The following TECPR1 variants were observed in gnomAD, a reference collection of about 807,000 sequenced individuals.
TECPR1 encodes the protein tectonin beta-propeller repeat containing 1.
TECPR1 carries 122 observed loss-of-function variants against 162.4 expected under a neutral mutation model. The ratio of observed to expected loss-of-function variants is 0.75; its 90% CI spans 0.65 to 0.87. The LOEUF (loss-of-function observed/expected upper bound fraction) is 0.87. Ranked by LOEUF, TECPR1 falls within the 40% of genes least tolerant of loss-of-function variation. TECPR1 has a pLI of 0.00. For synonymous variants in TECPR1, 642 were observed against 670.6 expected (o/e 0.96, Z 0.66); for missense variants, 1,432 against 1,618.2 (o/e 0.88, Z 1.97).
chr7:98,224,875 G>A lies in TECPR1; in HGVS notation c.2616C>T (p.Ser872=), dbSNP rs752059682. Residue 872 remains serine, a synonymous_variant, in exon 19 of 26, where the codon TCC becomes TCT. Transcript: ENST00000447648. ...GAACGCTGAAATCCACGAACCAGTCGGAAACCTGGGAGGAGTGGGTCAGTG... is the reference window on the plus strand; with the variant it reads ...GAACGCTGAAATCCACGAACCAGTCAGAAACCTGGGAGGAGTGGGTCAGTG... ...KPPSLQWAWV[S]DWFVDFSVPG... 17 of 1,561,140 alleles carry A rather than the reference G, an allele frequency of 1.1e-5. No individual in the cohort carries two copies. Among genetic ancestry groups the A allele is most frequent in the South Asian group, 7.1e-5 (6 of 84,648 alleles).
chr7:98,224,803 A>G lies in TECPR1; in HGVS notation c.2688T>C (p.Pro896=). 1 of 1,581,072 alleles carries G rather than the reference A, an allele frequency of 6.3e-7. No homozygotes were observed. The highest frequency in any genetic ancestry group is 8.6e-7 in the Non-Finnish European group (1 of 1,164,390). ...QEGWQYASDF[P]ASYHGSKTMK... is the part of the protein sequence containing the mutation. ...GCCCTGTGCAGGGAGAGGCTTACGCAGGGAAGTCGCTGGCATACTGCCACC... is the reference window on the plus strand; with the variant it reads ...GCCCTGTGCAGGGAGAGGCTTACGCGGGGAAGTCGCTGGCATACTGCCACC... Residue 896 remains proline (P), a splice_region_variant and synonymous_variant, in exon 19 of 26, where the codon CCT becomes CCC. Coordinates refer to ENST00000447648, the MANE Select transcript of TECPR1 (RefSeq NM_015395.3).
chr7:98,218,131 T>C lies in TECPR1; in HGVS notation c.3158-89A>G, dbSNP rs984039741. 7.5e-6 allele frequency: 8 copies of C among 1,070,066 alleles called. No individual in the cohort carries two copies. In the Admixed American group the frequency reaches 1.1e-4, roughly 15 times the overall value. 66.3% of individuals were successfully genotyped at this position (1,070,066 alleles called of 1,614,324 possible). A position where few individuals can be genotyped will look rare whatever the true frequency, so the allele number is the denominator to read the frequency against. Reference sequence around the variant, plus strand: ...CCGGCAGCCGGTGGCCAGGCCCCGCTCTAACCACTTCGGGGTTTGGGAAGC... The same window carrying C: ...CCGGCAGCCGGTGGCCAGGCCCCGCCCTAACCACTTCGGGGTTTGGGAAGC... On this transcript the variant is annotated intron_variant, in intron 23 of 25. Coordinates refer to ENST00000447648, the MANE Select transcript of TECPR1 (RefSeq NM_015395.3).
At position 98,244,867 on chromosome 7, in the gene TECPR1, G is replaced by T. The variant is rs1361517801; in HGVS notation, c.408+18C>A. On this transcript the variant is annotated intron_variant, in intron 4 of 25. Transcript: ENST00000447648. Reference sequence around the variant, plus strand: ...CCCTCCCCACAGGGCAGTCATGGAGGGTCCCAAGTTCACCTACCCCTTTCT... The same window carrying T: ...CCCTCCCCACAGGGCAGTCATGGAGTGTCCCAAGTTCACCTACCCCTTTCT... 1 of 1,612,622 alleles carries T rather than the reference G, an allele frequency of 6.2e-7. No individual in the cohort carries two copies. Among genetic ancestry groups the T allele is most frequent in the Admixed American group, 1.7e-5 (1 of 59,974 alleles).
chr7:98,247,906 T>TG (rs1293647713), intron 2 of TECPR1, among the ~76,000 whole-genome samples: 1 of 151,984 alleles, frequency 6.6e-6, no homozygotes, highest in African/African-American at 2.4e-5. Context: ...AAATTTTTTT[T>TG]GTAGAGATGG....
Position 98,217,799 on chromosome 7 carries a change from C to T in TECPR1, c.3277G>A (p.Ala1093Thr), listed in dbSNP as rs1195333329. The change falls in exon 25 of 26, where the codon GCC becomes ACC. Residue 1093 changes from alanine to threonine, a missense_variant. Coordinates refer to ENST00000447648, the MANE Select transcript of TECPR1 (RefSeq NM_015395.3). ...VGPLDQVWVI[A>T]NKVQGSHSLS... ...CTGTGGCTGCCCTGCACTTTGTTGG[C>T]GATCACCCAGACCTGGAGCACAGAC... is the stretch of plus-strand genomic sequence containing the variant. 1.0e-5 allele frequency: 16 copies of T among 1,550,514 alleles called. No homozygotes were observed. Among genetic ancestry groups the T allele is most frequent in the Middle Eastern group, 3.3e-4 (2 of 6,012 alleles).
At chr7:98,222,304 C>T in intron 22 of TECPR1, 82 bp downstream of exon 22, 4 of 1,506,254 alleles carry the variant, frequency 2.7e-6, no homozygotes, top group Non-Finnish European at 3.6e-6. Context: ...TCTGGGGGAC[C>T]CTGGCCCAGA....
chr7:98,217,360 C>T lies in TECPR1; in HGVS notation c.*30G>A, dbSNP rs762397401. 49 of 1,371,918 alleles carry T rather than the reference C, an allele frequency of 3.6e-5. No homozygotes were observed. The highest frequency in any genetic ancestry group is 3.7e-4 in the Middle Eastern group (2 of 5,432). 85.0% of individuals were successfully genotyped at this position (1,371,918 alleles called of 1,614,324 possible). ...AGCCTTGATCCCCCAAACTGGGCAC[C>T]GTCCCTGCATGTAGGTGTGTGGGGG... On this transcript the variant is annotated 3_prime_UTR_variant, in exon 26 of 26. Coordinates refer to ENST00000447648, the MANE Select transcript of TECPR1 (RefSeq NM_015395.3).
At chr7:98,223,555 G>T in intron 20 of TECPR1, 107 bp downstream of exon 20, 1 of 1,204,416 alleles carries the variant, frequency 8.3e-7, no homozygotes. Flanking sequence ...TTGGGACTGA[G>T]GTCAGAGGCC....
chr7:98,218,307 C>A (rs56153131), intron 23 of TECPR1, among the ~76,000 whole-genome samples: 2 of 152,066 alleles, frequency 1.3e-5, no homozygotes, highest in African/African-American at 4.8e-5. Context: ...GTGCTGGGCA[C>A]GGCCGGCCTC....
At position 98,241,732 on chromosome 7, in the gene TECPR1, G is replaced by A. The variant is rs377553864; in HGVS notation, c.658-488C>T. Among the ~76,000 whole-genome samples, 6 of 152,230 alleles carry A rather than the reference G, an allele frequency of 3.9e-5. No homozygotes were observed. The highest frequency in any genetic ancestry group is 1.4e-4 in the African/African-American group (6 of 41,532). On this transcript the variant is annotated intron_variant, in intron 6 of 25. Transcript: ENST00000447648. This position sits in a 1 kb window ranked among gnomAD's most constrained non-coding sequence, Gnocchi z 5.0. ...GCTGGGGGAGACTACATGTCACTTC[G>A]TGATCCAGAAAGGGCAAGGGACCCT... is the stretch of plus-strand genomic sequence containing the variant.
Position 98,238,522 on chromosome 7 carries a change from C to T in TECPR1, c.1022G>A (p.Gly341Glu). 6.4e-7 allele frequency: 1 copy of T among 1,565,016 alleles called. No individual in the cohort carries two copies. Among genetic ancestry groups the T allele is most frequent in the Non-Finnish European group, 8.7e-7 (1 of 1,154,948 alleles). ...MVGEMTMVNV[G>E]MNDQVWGIGC... ...CCACGTGCACACCTGGTCGTTCATT[C>T]CCACGTTCACCATCGTCATCTCACC... Residue 341 changes from glycine to glutamate, a missense_variant, in exon 9 of 26, where the codon GGA (glycine) becomes GAA (glutamate). Coordinates refer to ENST00000447648, the MANE Select transcript of TECPR1 (RefSeq NM_015395.3).
At chr7:98,226,936 A>C (rs1477511796) in intron 17 of TECPR1, among the ~76,000 whole-genome samples, 1 of 151,992 alleles carries the variant, frequency 6.6e-6, no homozygotes, top group Non-Finnish European at 1.5e-5. Context: ...GTGTCTCAAA[A>C]AACAAAACAA....
rs550231713 is a variant in TECPR1 at position 98,218,059 on chromosome 7, T to C, written c.3158-17A>G. 1.6e-4 allele frequency: 245 copies of C among 1,549,494 alleles called. 1 individual carries two copies. The South Asian group carries it at 2.7e-3, about 17-fold the overall frequency. On this transcript the variant is annotated splice_polypyrimidine_tract_variant and intron_variant, in intron 23 of 25. Coordinates refer to ENST00000447648, the MANE Select transcript of TECPR1 (RefSeq NM_015395.3). ...ACAGGTTTCCTGGGGAGAAAAGCAG[T>C]GAGGGTCAAAGGGGAAGACCTTCCC...
intron 8 of TECPR1, 101 bp from the exon 9 acceptor site, chr7:98,238,711 T>C (rs1034352517): frequency 1.0e-4 from 105 of 1,006,796 alleles, no homozygotes; most frequent in Non-Finnish European, 1.4e-4. Context: ...TTTGATCCTT[T>C]GGTTCACGTC....
In TECPR1 at chr7:98,222,979, C is replaced by A. The variant is rs1186719158; in HGVS notation, c.2928+11G>T. On this transcript the variant is annotated intron_variant, in intron 21 of 25. Coordinates refer to ENST00000447648, the MANE Select transcript of TECPR1 (RefSeq NM_015395.3). ...CATTTCAAGAAGAATCTGTCTGGCC[C>A]CGGCACTCACCGCAGGGTTGAGCTC... 5.0e-6 allele frequency: 8 copies of A among 1,610,822 alleles called. No individual in the cohort carries two copies. Among genetic ancestry groups the A allele is most frequent in the Non-Finnish European group, 4.2e-6 (5 of 1,179,230 alleles).
intron 3 of TECPR1, 24 bp from the exon 4 acceptor site, chr7:98,245,091 G>A (rs376376487): frequency 3.2e-5 from 50 of 1,559,558 alleles, no homozygotes; most frequent in Non-Finnish European, 4.0e-5. Context: ...ACACAGAGGC[G>A]GCCTTGGACC....
chr7:98,240,951 C>T lies in TECPR1; in HGVS notation c.833G>A (p.Gly278Glu). The T allele has an allele frequency of 6.2e-7, 1 of 1,603,478 alleles. No homozygotes were observed. The highest frequency in any genetic ancestry group is 1.1e-5 in the South Asian group (1 of 88,766). ...AGGCTCCACGATGGACCAGGAACTT[C>T]CTACCGGGCCCCCAAGAAACCCCCA... is the stretch of plus-strand genomic sequence containing the variant. ...REGINRSNPK[G>E]SSWSIVEPPG... The change falls in exon 8 of 26, where the codon GGA becomes GAA. Residue 278 changes from glycine (G) to glutamate (E), a missense_variant and splice_region_variant. Physicochemically the swap from Gly to Glu is moderately conservative, Grantham distance 98. Coordinates refer to ENST00000447648, the MANE Select transcript of TECPR1 (RefSeq NM_015395.3).
In TECPR1 at chr7:98,244,551, C is replaced by A. The variant is rs1179173586; in HGVS notation, c.531+20G>T. 1.3e-5 allele frequency: 21 copies of A among 1,594,150 alleles called. No individual in the cohort carries two copies. The Admixed American group carries it at 3.4e-4, about 26-fold the overall frequency. On this transcript the variant is annotated intron_variant, in intron 5 of 25. Transcript: ENST00000447648. ...GTCCTGGCCCTATCCTGCCCCCAAC[C>A]CACATTCAGGAACAGAGACCTTGGC...
intron 16 of TECPR1, chr7:98,228,720 A>G (rs997335804): frequency 7.1e-6 from 2 of 282,356 alleles, no homozygotes; most frequent in African/African-American, 4.3e-5. Flanking sequence ...TGGCTCCTAG[A>G]AATCGGGGGG....
Sources: gnomAD v4.1 joint callset for allele counts (sites outside exome capture counted in the v4.1 genomes callset) on GRCh38, gnomAD v4.1.1 for gene constraint, Gnocchi (gnomAD v3.1) non-coding constraint, MANE v1.5 for transcripts, NCBI Gene and HGNC (gene_info 2026-07-23, HGNC 2026-07-21) for gene names.